The following PKNOX2 variants were observed in gnomAD, a reference collection of about 807,000 sequenced individuals.
PKNOX2 encodes homeobox protein PKNOX2.
PKNOX2 carries 14 observed loss-of-function variants against 53.1 expected under a neutral mutation model. That is an observed-to-expected ratio of 0.26 (90% CI 0.17 to 0.41). The LOEUF (loss-of-function observed/expected upper bound fraction) is 0.41. Ranked by LOEUF, PKNOX2 falls within the 10% of genes least tolerant of loss-of-function variation. PKNOX2 has a pLI of 1.00. For missense variants in PKNOX2, 496 were observed against 602.8 expected (o/e 0.82, Z 1.85); for synonymous variants, 257 against 242.8 (o/e 1.06, Z -0.54).
At chr11:125,210,443 CT>C (rs897630713) in intron 1 of PKNOX2, among the ~76,000 whole-genome samples, 115 of 152,296 alleles carry the variant, frequency 7.6e-4, no homozygotes, top group African/African-American at 2.7e-3. Flanking sequence ...GCTCTTCCCT[CT>C]GCTGTGGGCA....
chr11:125,290,240 T>G (rs1429070446), intron 2 of PKNOX2, among the ~76,000 whole-genome samples: 1 of 152,154 alleles, frequency 6.6e-6, no homozygotes, highest in Non-Finnish European at 1.5e-5. Context: ...GCATGCTAAT[T>G]GGCTACCCCT....
chr11:125,258,818 C>A, intron 2 of PKNOX2: 1 of 319,640 alleles, frequency 3.1e-6, no homozygotes, highest in Non-Finnish European at 6.4e-6. Flanking sequence ...TCCTCTTTAA[C>A]CCAAACCAGA....
intron 2 of PKNOX2, among the ~76,000 whole-genome samples, chr11:125,331,166 G>T (rs976033378): frequency 4.6e-5 from 7 of 152,220 alleles, no homozygotes; most frequent in Middle Eastern, 3.2e-3. Context: ...CAATGCCGTG[G>T]TCCATTTCAA....
rs567818132 is a variant in PKNOX2 at position 125,346,438 on chromosome 11, G to C, written c.-22-4846G>C. On this transcript the variant is annotated intron_variant, in intron 3 of 12. Transcript: ENST00000298282. ...AATCCCTTCATTCTGCAGTCCGAGAGGGAAAGTGACTTGTACAGATTACAG... is the reference window on the plus strand; with the variant it reads ...AATCCCTTCATTCTGCAGTCCGAGACGGAAAGTGACTTGTACAGATTACAG... Among the ~76,000 whole-genome samples the C allele has an allele frequency of 6.6e-5, 10 of 152,204 alleles. No homozygotes were observed. In the South Asian group the frequency reaches 1.5e-3, roughly 22 times the overall value.
intron 2 of PKNOX2, among the ~76,000 whole-genome samples, chr11:125,238,177 G>C: frequency 6.6e-6 from 1 of 152,214 alleles, no homozygotes; most frequent in East Asian, 1.9e-4. Flanking sequence ...TAGAAAAAAA[G>C]CCCAAGCAAC....
chr11:125,189,423 G>A (rs61170166), intron 1 of PKNOX2, among the ~76,000 whole-genome samples: 13,807 of 40,954 alleles, frequency 0.34, 1,499 homozygotes, highest in East Asian at 0.42. Context: ...ATGTGTGTGT[G>A]TGTGTGTGTG....
intron 2 of PKNOX2, among the ~76,000 whole-genome samples, chr11:125,315,821 C>T (rs548237030): frequency 2.6e-5 from 4 of 152,230 alleles, no homozygotes; most frequent in South Asian, 4.2e-4. Flanking sequence ...CCAGTGCCAC[C>T]CCCTACCCGA....
intron 5 of PKNOX2, among the ~76,000 whole-genome samples, chr11:125,369,556 G>T (rs748118137): frequency 6.6e-6 from 1 of 152,304 alleles, no homozygotes; most frequent in East Asian, 1.9e-4. Flanking sequence ...ACCGATAGAC[G>T]TACAAACAAG....
intron 5 of PKNOX2, among the ~76,000 whole-genome samples, chr11:125,374,378 T>G (rs572783281): frequency 2.0e-5 from 3 of 152,248 alleles, no homozygotes; most frequent in Admixed American, 6.5e-5. Context: ...TTCTGGTGGA[T>G]AGTCCCTGCT....
At chr11:125,334,587 G>A (rs1236959937) in intron 3 of PKNOX2, among the ~76,000 whole-genome samples, 3 of 131,596 alleles carry the variant, frequency 2.3e-5, no homozygotes, top group Non-Finnish European at 4.8e-5. Flanking sequence ...TTAAGTTTTC[G>A]TTTTTTTTTT....
Position 125,410,272 on chromosome 11 carries a change from C to A in PKNOX2, c.665C>A (p.Ala222Glu), listed in dbSNP as rs201804321. The stretch of plus-strand genomic sequence containing the variant: ...CAGGGGATTGTGGTCCCAGCCTCAG[C>A]GCTCCAGCAGGGCAACATCGCCATG... Reference protein sequence around the residue: ...NPQGIVVPASALQQGNIAMTT... With the variant: ...NPQGIVVPASELQQGNIAMTT... The change falls in exon 8 of 13, where the codon GCG becomes GAG. Residue 222 changes from alanine to glutamate, a missense_variant. Around this residue, in one of 5 missense-constraint regions of PKNOX2, gnomAD observed 141 missense variants for 143.9 expected, o/e 0.98. Coordinates refer to ENST00000298282, the MANE Select transcript of PKNOX2 (RefSeq NM_001382323.2). 7.4e-6 allele frequency: 12 copies of A among 1,614,036 alleles called. No homozygotes were observed. Among genetic ancestry groups the A allele is most frequent in the Non-Finnish European group, 6.8e-6 (8 of 1,179,978 alleles).
chr11:125,221,463 G>T (rs755823399), intron 1 of PKNOX2, among the ~76,000 whole-genome samples: 7 of 152,188 alleles, frequency 4.6e-5, no homozygotes, highest in African/African-American at 1.7e-4. Flanking sequence ...CTCCAGGCCC[G>T]TCTGCAGAGT....
At chr11:125,351,243 C>A in intron 3 of PKNOX2, 41 bp from the exon 4 acceptor site, 1 of 874,644 alleles carries the variant, frequency 1.1e-6, no homozygotes, top group Non-Finnish European at 1.9e-6. Context: ...CGGGCCTGCT[C>A]AGCGGTGTTA....
chr11:125,276,771 C>G (rs1946191749), intron 2 of PKNOX2, among the ~76,000 whole-genome samples: 1 of 152,116 alleles, frequency 6.6e-6, no homozygotes, highest in African/African-American at 2.4e-5. Context: ...TTTTTTCTGA[C>G]AGTGTTGAGT....
chr11:125,426,998 G>A (rs912424707), intron 10 of PKNOX2, among the ~76,000 whole-genome samples: 1 of 152,240 alleles, frequency 6.6e-6, no homozygotes, highest in Non-Finnish European at 1.5e-5. Flanking sequence ...CAGCACGTGC[G>A]AAGGCATGGA....
chr11:125,323,657 A>G (rs1949657024), intron 2 of PKNOX2, among the ~76,000 whole-genome samples: 1 of 152,176 alleles, frequency 6.6e-6, no homozygotes, highest in African/African-American at 2.4e-5. Flanking sequence ...GAAAATTTAC[A>G]TGTGTGGGGA....
chr11:125,426,620 C>T lies in PKNOX2; in HGVS notation c.937-2392C>T, dbSNP rs575285894. On this transcript the variant is annotated intron_variant, in intron 10 of 12. Coordinates refer to ENST00000298282, the MANE Select transcript of PKNOX2 (RefSeq NM_001382323.2). The stretch of plus-strand genomic sequence containing the variant: ...GTCTGCACACTGTGCCTGGTCAGCA[C>T]GGCCACTAGCTCTGCTCAAGAAACA... Among the ~76,000 whole-genome samples the T allele has an allele frequency of 9.4e-5, 13 of 138,216 alleles. 1 individual carries two copies. The highest frequency in any genetic ancestry group is 7.2e-4 in the Admixed American group (9 of 12,520). The allele number at this position is 138,216 out of a possible 152,430, so 90.7% of individuals were successfully genotyped here. A position where few individuals can be genotyped will look rare whatever the true frequency, so the allele number is the denominator to read the frequency against.
intron 1 of PKNOX2, among the ~76,000 whole-genome samples, chr11:125,222,672 GT>G (rs1412495405): frequency 1.4e-5 from 2 of 144,694 alleles, no homozygotes; most frequent in African/African-American, 5.5e-5. Flanking sequence ...ATGTGTGTGT[GT>G]ATGTGTGTGC....
chr11:125,245,392 C>A (rs1031085053), intron 2 of PKNOX2, among the ~76,000 whole-genome samples: 7 of 152,252 alleles, frequency 4.6e-5, no homozygotes, highest in Non-Finnish European at 8.8e-5. Context: ...AAAGGCCAAG[C>A]AACACATTCA....
Sources: allele counts gnomAD v4.1 joint callset (sites outside exome capture counted in the v4.1 genomes callset), GRCh38; gene constraint gnomAD v4.1.1; regional missense constraint gnomAD v4.1.1; transcripts MANE v1.5; gene names NCBI Gene and HGNC (gene_info 2026-07-23, HGNC 2026-07-21).